Variants in ARR3 observed in about 807,000 individuals in gnomAD.
The protein encoded by ARR3 is arrestin-C.
ARR3 carries 14 observed loss-of-function variants against 35.4 expected under a neutral mutation model. The observed-to-expected ratio is 0.40, with a 90% CI of 0.26 to 0.62. The LOEUF (loss-of-function observed/expected upper bound fraction) is 0.62. Ranked by LOEUF, ARR3 falls within the 20% of genes least tolerant of loss-of-function variation. The probability of loss-of-function intolerance (pLI) is 0.46; values close to 1 mark genes in which losing one functional copy is unlikely to be tolerated. For missense variants in ARR3, 259 were observed against 303.8 expected (o/e 0.85, Z 1.10); for synonymous variants, 97 against 119.1 (o/e 0.81, Z 1.21).
chrX:70,276,552 C>T (rs1449812514), intron 7 of ARR3, 60 bp downstream of exon 7: 2 of 1,175,458 alleles, frequency 1.7e-6, no homozygotes, highest in Admixed American at 2.2e-5. Context: ...AACAGTGGGA[C>T]AGTCAAGACT....
intron 16 of ARR3, chrX:70,281,377 C>G (rs965336272): frequency 1.1e-5 from 5 of 441,075 alleles, no homozygotes; most frequent in Non-Finnish European, 1.9e-5. Flanking sequence ...TTTCCCCCAC[C>G]CGCTCGCCCT....
rs758169098 is a variant in ARR3 at position 70,276,415 on chromosome X, C to A, written c.346-18C>A. The stretch of plus-strand genomic sequence containing the variant: ...TATTCTTTTCTACTTCTTTTCTGAT[C>A]TCCTTTTTGTCCCCTAGATGGTGAC... On this transcript the variant is annotated intron_variant, in intron 6 of 16. Transcript: ENST00000307959. 4.1e-6 allele frequency: 5 copies of A among 1,208,166 alleles called. No individual in the cohort carries two copies. The highest frequency in any genetic ancestry group is 5.6e-6 in the Non-Finnish European group (5 of 892,230).
intron 10 of ARR3, 65 bp downstream of exon 10, chrX:70,277,865 A>T: frequency 9.7e-7 from 1 of 1,031,720 alleles, no homozygotes; most frequent in Non-Finnish European, 1.3e-6. Context: ...CCAAAATTCT[A>T]TCTCACTTAC....
At chrX:70,272,605 AG>A (rs1190178313) in intron 5 of ARR3, among the ~76,000 whole-genome samples, 1 of 112,147 alleles carries the variant, frequency 8.9e-6, no homozygotes, top group African/African-American at 3.2e-5. Context: ...CTAAGTGCCT[AG>A]AAGAGGAATT....
At position 70,277,817 on chromosome X, in the gene ARR3, A is replaced by T. The variant is rs943113104; in HGVS notation, c.694+17A>T. The T allele has an allele frequency of 2.5e-6, 3 of 1,184,372 alleles. No individual in the cohort carries two copies. The highest frequency in any genetic ancestry group is 1.1e-6 in the Non-Finnish European group (1 of 873,904). The stretch of plus-strand genomic sequence containing the variant: ...AGATTTCAGGTGAGTTTCTTTTCCC[A>T]TCCCTGTGCACCTGGTCCCAAAGCC... On this transcript the variant is annotated intron_variant, in intron 10 of 16. Transcript: ENST00000307959.
chrX:70,277,321 A>T (rs1421767326), intron 8 of ARR3, 73 bp from the exon 9 acceptor site: 1 of 1,152,332 alleles, frequency 8.7e-7, no homozygotes, highest in African/African-American at 1.8e-5. Context: ...CAATTGGACT[A>T]TGGGGGTGGC....
At chrX:70,269,146 G>GT (rs949959267) in intron 1 of ARR3, among the ~76,000 whole-genome samples, 2 of 111,240 alleles carry the variant, frequency 1.8e-5, no homozygotes, top group Non-Finnish European at 3.8e-5. Context: ...AAATAGGAAG[G>GT]TTTTTTTCCC....
chrX:70,281,010 G>A (rs942772451), intron 15 of ARR3, 89 bp from the exon 16 acceptor site: 2 of 946,219 alleles, frequency 2.1e-6, no homozygotes, highest in East Asian at 7.7e-5. Flanking sequence ...GTTGGGGGGG[G>A]GGGAAGTAAA....
At chrX:70,277,243 C>T (rs1279940167) in intron 8 of ARR3, 151 bp from the exon 9 acceptor site, 3 of 775,612 alleles carry the variant, frequency 3.9e-6, no homozygotes, top group Non-Finnish European at 5.4e-6. Context: ...CTTTGGTCTA[C>T]ATGCTTACAT....
At position 70,280,759 on chromosome X, in the gene ARR3, C is replaced by G. The variant is rs756155155; in HGVS notation, c.1014-7C>G. 10 of 1,211,308 alleles carry G rather than the reference C, an allele frequency of 8.3e-6. No homozygotes were observed. The highest frequency in any genetic ancestry group is 4.3e-5 in the Admixed American group (2 of 46,008). On this transcript the variant is annotated splice_polypyrimidine_tract_variant and splice_region_variant and intron_variant, in intron 14 of 16. Transcript: ENST00000307959. ...GGAGATGTAACTCCACCTTGGGATCCTTGCAGCGATGTTGGTGTGGAGCTA... is the reference window on the plus strand; with the variant it reads ...GGAGATGTAACTCCACCTTGGGATCGTTGCAGCGATGTTGGTGTGGAGCTA...
In ARR3 at chrX:70,277,432, C is replaced by T. The variant is rs754990599; in HGVS notation, c.512C>T (p.Ala171Val). The T allele has an allele frequency of 1.7e-6, 2 of 1,211,526 alleles. No individual in the cohort carries two copies. The highest frequency in any genetic ancestry group is 2.2e-6 in the Non-Finnish European group (2 of 895,361). The stretch of plus-strand genomic sequence containing the variant: ...CTGGTTGTCCGGAAAGTACAATTTG[C>T]ACCACCGGAGGCAGGCCCTGGCCCC... The part of the protein sequence containing the change: ...VRLVVRKVQF[A>V]PPEAGPGPSA... Residue 171 changes from alanine (A) to valine (V), a missense_variant, in exon 9 of 17, where the codon GCA becomes GTA. By Grantham distance (64) the Ala-to-Val change is moderately conservative (BLOSUM62 0). Transcript: ENST00000307959.
At chrX:70,272,432 T>C (rs1423741985) in intron 5 of ARR3, among the ~76,000 whole-genome samples, 1 of 112,287 alleles carries the variant, frequency 8.9e-6, no homozygotes, top group East Asian at 2.8e-4. Flanking sequence ...ATATCTATAT[T>C]TTCACTAAAA....
intron 15 of ARR3, 127 bp downstream of exon 15, chrX:70,280,945 C>G: frequency 1.0e-6 from 1 of 971,364 alleles, no homozygotes; most frequent in Non-Finnish European, 1.4e-6. Context: ...GGCTGGGTGT[C>G]TAGGTATTCA....
rs774737421 is a variant in ARR3 at position 70,280,775 on chromosome X, T to C, written c.1023T>C (p.Gly341=). Reference sequence around the variant, plus strand: ...CTTGGGATCCTTGCAGCGATGTTGGTGTGGAGCTACCCTTGGTCCTGATCC... The same window carrying C: ...CTTGGGATCCTTGCAGCGATGTTGGCGTGGAGCTACCCTTGGTCCTGATCC... ...ILGDLTASDV[G]VELPLVLIHP... The change falls in exon 15 of 17, where the codon GGT becomes GGC. Residue 341 remains glycine, a synonymous_variant. Coordinates refer to ENST00000307959, the MANE Select transcript of ARR3 (RefSeq NM_004312.3). 4.1e-6 allele frequency: 5 copies of C among 1,208,568 alleles called. No individual in the cohort carries two copies. In the African/African-American group the frequency reaches 8.8e-5, roughly 21 times the overall value.
chrX:70,275,103 A>G lies in ARR3; in HGVS notation c.146-979A>G, dbSNP rs139230090. ...ATTATCATATGTATCTCTCCTGAAC[A>G]AAAGCTCCTTTAAAGTCAACTTATT... On this transcript the variant is annotated intron_variant, in intron 5 of 16. Coordinates refer to ENST00000307959, the MANE Select transcript of ARR3 (RefSeq NM_004312.3). Among the ~76,000 whole-genome samples, 461 of 112,628 alleles carry G rather than the reference A, an allele frequency of 4.1e-3. 4 individuals carry two copies. The highest frequency in any genetic ancestry group is 0.015 in the African/African-American group (451 of 31,035).
chrX:70,279,557 A>C (rs1236993878), intron 12 of ARR3, among the ~76,000 whole-genome samples: 2 of 112,687 alleles, frequency 1.8e-5, no homozygotes, highest in Non-Finnish European at 3.7e-5. Context: ...GGAGAATATA[A>C]AGAAGTTTAA....
chrX:70,269,941 GA>G (rs753952600), intron 4 of ARR3, 38 bp downstream of exon 4: 16 of 1,195,637 alleles, frequency 1.3e-5, no homozygotes, highest in Admixed American at 4.4e-5. Flanking sequence ...GGGGAAAGAG[GA>G]ATGGAAACTA....
intron 16 of ARR3, chrX:70,281,366 T>A: frequency 2.3e-6 from 1 of 443,153 alleles, no homozygotes; most frequent in Non-Finnish European, 3.9e-6. Context: ...TTCTTTTTCC[T>A]TTTCCCCCAC....
chrX:70,276,008 G>A (rs2085651025), intron 5 of ARR3, 74 bp from the exon 6 acceptor site: 1 of 1,091,146 alleles, frequency 9.2e-7, no homozygotes, highest in Non-Finnish European at 1.3e-6. Flanking sequence ...ACCTCTCTGT[G>A]TCTTCTTGAC....
Sources: gnomAD v4.1 joint callset for allele counts (sites outside exome capture counted in the v4.1 genomes callset) on GRCh38, gnomAD v4.1.1 for gene constraint, MANE v1.5 for transcripts, NCBI Gene and HGNC (gene_info 2026-07-23, HGNC 2026-07-21) for gene names.